BMAL1: variants seen among roughly 807,000 people sequenced by gnomAD.
BMAL1 encodes basic helix-loop-helix ARNT-like protein 1.
At chr11:13,369,762 A>G in the BMAL1 span, 24 of 1,608,636 alleles carry the variant, frequency 1.5e-5, no homozygotes, top group East Asian at 2.2e-5. Flanking sequence ...TGCTCAAAGA[A>G]AAAAGGTAAC....
At chr11:13,314,092 C>T in the BMAL1 span, among the ~76,000 whole-genome samples, 1 of 151,126 alleles carries the variant, frequency 6.6e-6, no homozygotes, top group Non-Finnish European at 1.5e-5. Context: ...CTACCCAGCA[C>T]CTCTCCATGA....
the BMAL1 span, chr11:13,355,305 T>C: frequency 6.2e-7 from 1 of 1,613,546 alleles, no homozygotes; most frequent in Non-Finnish European, 8.5e-7. Flanking sequence ...ATGTAAGTTA[T>C]CCCAGATGAT....
the BMAL1 span, chr11:13,355,347 G>C: frequency 6.4e-7 from 1 of 1,566,440 alleles, no homozygotes; most frequent in Non-Finnish European, 8.8e-7. Context: ...GCTGGAGAGT[G>C]GGTATGAGGG....
At chr11:13,302,229 A>T in the BMAL1 span, among the ~76,000 whole-genome samples, 1 of 152,082 alleles carries the variant, frequency 6.6e-6, no homozygotes, top group Non-Finnish European at 1.5e-5. Flanking sequence ...AGACCTGAGG[A>T]ATAGGTCTGG....
At chr11:13,358,630 C>T in the BMAL1 span, 1 of 1,498,052 alleles carries the variant, frequency 6.7e-7, no homozygotes, top group Non-Finnish European at 8.9e-7. Flanking sequence ...TGTCCTTGCC[C>T]ACAAATGTTA....
At chr11:13,352,796 C>G in the BMAL1 span, among the ~76,000 whole-genome samples, 22 of 152,318 alleles carry the variant, frequency 1.4e-4, no homozygotes, top group East Asian at 3.9e-3. Flanking sequence ...GTAGCTCACA[C>G]TCACCCTCCT....
chr11:13,382,584 C>T, the BMAL1 span, among the ~76,000 whole-genome samples: 1 of 151,340 alleles, frequency 6.6e-6, no homozygotes. Context: ...CCAGGTCCTT[C>T]CTGCATATTG....
chr11:13,310,356 G>GA, the BMAL1 span, among the ~76,000 whole-genome samples: 1 of 152,080 alleles, frequency 6.6e-6, no homozygotes. Context: ...AAGCTAGATT[G>GA]AAAAAAGTCC....
chr11:13,291,526 T>A, the BMAL1 span, among the ~76,000 whole-genome samples: 3 of 152,200 alleles, frequency 2.0e-5, no homozygotes. Flanking sequence ...CATCTCCTCT[T>A]GTGGACTGGG....
At chr11:13,290,400 T>C in the BMAL1 span, among the ~76,000 whole-genome samples, 1 of 152,282 alleles carries the variant, frequency 6.6e-6, no homozygotes, top group African/African-American at 2.4e-5. Flanking sequence ...CATTCTTGGA[T>C]GTTTCATCTG....
the BMAL1 span, chr11:13,356,335 A>G: frequency 6.4e-6 from 3 of 471,754 alleles, no homozygotes; most frequent in Non-Finnish European, 1.3e-5. Context: ...GATGCTCAAT[A>G]TGTTTTGCAA....
chr11:13,335,952 C>T, the BMAL1 span, among the ~76,000 whole-genome samples: 1 of 152,124 alleles, frequency 6.6e-6, no homozygotes, highest in Non-Finnish European at 1.5e-5. Context: ...GAGCTAAAGA[C>T]ATATTTAAAA....
the BMAL1 span, among the ~76,000 whole-genome samples, chr11:13,304,850 G>T: frequency 1.3e-5 from 2 of 152,210 alleles, no homozygotes; most frequent in African/African-American, 4.8e-5. Flanking sequence ...AGTTGATGCT[G>T]CCAGCGGTCC....
At chr11:13,321,594 G>A in the BMAL1 span, among the ~76,000 whole-genome samples, 1 of 152,090 alleles carries the variant, frequency 6.6e-6, no homozygotes, top group African/African-American at 2.4e-5. Flanking sequence ...TGCCTGCCAC[G>A]TGCCGGTCAG....
chr11:13,322,898 T>C, the BMAL1 span, among the ~76,000 whole-genome samples: 1 of 149,844 alleles, frequency 6.7e-6, no homozygotes, highest in Non-Finnish European at 1.5e-5. Flanking sequence ...TCAAGGGATC[T>C]TCCTGCTTCA....
chr11:13,306,787 G>T, the BMAL1 span, among the ~76,000 whole-genome samples: 1 of 152,232 alleles, frequency 6.6e-6, no homozygotes, highest in Non-Finnish European at 1.5e-5. Flanking sequence ...GGATGCTGTA[G>T]GAGTGCACAA....
the BMAL1 span, among the ~76,000 whole-genome samples, chr11:13,320,815 G>A: frequency 6.6e-6 from 1 of 152,080 alleles, no homozygotes; most frequent in Non-Finnish European, 1.5e-5. Context: ...TGATATGGGA[G>A]CCTAACAAGC....
At chr11:13,385,669 T>C in the BMAL1 span, 1 of 1,572,612 alleles carries the variant, frequency 6.4e-7, no homozygotes, top group South Asian at 1.1e-5. Context: ...AACTTCACAC[T>C]TCCCTCCTTT....
chr11:13,365,643 T>A, the BMAL1 span: 2 of 1,457,002 alleles, frequency 1.4e-6, no homozygotes, highest in South Asian at 2.4e-5. Flanking sequence ...CAGTCAGAAG[T>A]GTCACTCAAT....
Sources: allele counts gnomAD v4.1 joint callset (sites outside exome capture counted in the v4.1 genomes callset), GRCh38; gene constraint gnomAD v4.1.1; transcripts MANE v1.5; gene names NCBI Gene and HGNC (gene_info 2026-07-23, HGNC 2026-07-21).